Variants in KCND2 observed in about 807,000 individuals in gnomAD.
KCND2 encodes potassium voltage-gated channel subfamily D member 2, also known as A-type voltage-gated potassium channel KCND2.
A neutral mutation model predicts 54.4 loss-of-function variants in KCND2; 16 were observed. That is an observed-to-expected ratio of 0.29 (90% CI 0.20 to 0.45). The LOEUF is 0.45. Ranked by LOEUF, KCND2 falls within the 20% of genes least tolerant of loss-of-function variation. KCND2 has a pLI of 1.00. For missense variants in KCND2, 486 were observed against 824.2 expected (o/e 0.59, Z 5.02); for synonymous variants, 317 against 310.7 (o/e 1.02, Z -0.21).
chr7:120,590,595 G>T (rs1008453960), intron 1 of KCND2, among the ~76,000 whole-genome samples: 1 of 152,082 alleles, frequency 6.6e-6, no homozygotes, highest in African/African-American at 2.4e-5. Flanking sequence ...ATGTAATTTT[G>T]TGTCTGTATT....
intron 1 of KCND2, among the ~76,000 whole-genome samples, chr7:120,649,669 T>A (rs1791701111): frequency 6.6e-6 from 1 of 152,126 alleles, no homozygotes; most frequent in East Asian, 1.9e-4. Flanking sequence ...ATTAGCCCTT[T>A]GTCAAATGAG....
At chr7:120,349,777 T>G (rs899063992) in intron 1 of KCND2, among the ~76,000 whole-genome samples, 5 of 152,170 alleles carry the variant, frequency 3.3e-5, no homozygotes, top group Admixed American at 6.6e-5. Flanking sequence ...GGATCTTTAA[T>G]TTTGTTAATT....
At chr7:120,310,461 C>G (rs1353916850) in intron 1 of KCND2, among the ~76,000 whole-genome samples, 4 of 152,024 alleles carry the variant, frequency 2.6e-5, no homozygotes, top group African/African-American at 9.7e-5. Context: ...CATCTGTCAA[C>G]TATAATTTGC....
At chr7:120,560,908 A>G (rs540534579) in intron 1 of KCND2, among the ~76,000 whole-genome samples, 9 of 152,334 alleles carry the variant, frequency 5.9e-5, no homozygotes, top group Non-Finnish European at 1.3e-4. Context: ...GACTAGCTCA[A>G]TGCTACAAAA....
chr7:120,437,627 T>C (rs1335861218), intron 1 of KCND2, among the ~76,000 whole-genome samples: 1 of 152,196 alleles, frequency 6.6e-6, no homozygotes, highest in Non-Finnish European at 1.5e-5. Flanking sequence ...GATAAATGTT[T>C]AGGTAGTCAG....
At chr7:120,566,546 A>C (rs898988090) in intron 1 of KCND2, among the ~76,000 whole-genome samples, 1 of 151,992 alleles carries the variant, frequency 6.6e-6, no homozygotes, top group Admixed American at 6.6e-5. Flanking sequence ...GGGTCTTGCT[A>C]TATTGCCCAG....
intron 1 of KCND2, among the ~76,000 whole-genome samples, chr7:120,513,760 A>G (rs1803155981): frequency 1.3e-5 from 2 of 152,076 alleles, no homozygotes; most frequent in African/African-American, 4.8e-5. Flanking sequence ...AGTATAACAG[A>G]ATGTGTCATT....
chr7:120,531,888 C>T (rs921365793), intron 1 of KCND2, among the ~76,000 whole-genome samples: 25 of 151,992 alleles, frequency 1.6e-4, no homozygotes, highest in Admixed American at 3.9e-4. Flanking sequence ...GTTCTACTTA[C>T]CTCTTCTCTC....
intron 1 of KCND2, among the ~76,000 whole-genome samples, chr7:120,671,979 T>A (rs1791998666): frequency 6.6e-6 from 1 of 152,094 alleles, no homozygotes; most frequent in South Asian, 2.1e-4. Flanking sequence ...TAAATTTATC[T>A]GCATCTAAGC....
chr7:120,567,782 G>C (rs1457186083), intron 1 of KCND2, among the ~76,000 whole-genome samples: 6 of 151,830 alleles, frequency 4.0e-5, no homozygotes, highest in African/African-American at 1.5e-4. Flanking sequence ...TTTAAATTTT[G>C]CACACCAACA....
At chr7:120,716,860 G>A (rs964342145) in intron 1 of KCND2, among the ~76,000 whole-genome samples, 2 of 152,060 alleles carry the variant, frequency 1.3e-5, no homozygotes, top group Non-Finnish European at 2.9e-5. Context: ...CCCATTATCT[G>A]AGGGAGATAT....
chr7:120,459,717 G>A (rs934561062), intron 1 of KCND2, among the ~76,000 whole-genome samples: 4 of 152,064 alleles, frequency 2.6e-5, no homozygotes, highest in Non-Finnish European at 4.4e-5. Context: ...CCCAAATGAA[G>A]GATAAAAACA....
intron 1 of KCND2, among the ~76,000 whole-genome samples, chr7:120,558,992 A>AAT (rs200969540): frequency 1.6e-3 from 131 of 81,922 alleles, no homozygotes; most frequent in African/African-American, 4.0e-3. Context: ...TTCACAAAGT[A>AAT]CTGTGTGTGT....
intron 1 of KCND2, among the ~76,000 whole-genome samples, chr7:120,576,874 C>A (rs542876735): frequency 6.6e-6 from 1 of 152,114 alleles, no homozygotes; most frequent in Non-Finnish European, 1.5e-5. Context: ...AGGCTGGGCG[C>A]GGTGGCTCAC....
rs1257433422 is a variant in KCND2, at chr7:120,599,598, A to AT, written c.1116-133299dup. ...TTTGTAATTTTGGTGCTGTTTGAAT[A>AT]TTTTTTAAAAGAAATTCCAAGTGTT... On this transcript the variant is annotated intron_variant, in intron 1 of 5. Transcript: ENST00000331113. Among the ~76,000 whole-genome samples the AT allele has an allele frequency of 2.0e-5, 3 of 151,990 alleles. No homozygotes were observed. In the South Asian group the frequency reaches 6.2e-4, roughly 31 times the overall value.
intron 1 of KCND2, among the ~76,000 whole-genome samples, chr7:120,620,224 G>C (rs144571457): frequency 3.4e-4 from 51 of 151,080 alleles, no homozygotes; most frequent in African/African-American, 1.2e-3. Context: ...ATGAAAAATT[G>C]ACAGAATTCC....
intron 1 of KCND2, among the ~76,000 whole-genome samples, chr7:120,633,083 G>T (rs781360409): frequency 1.3e-5 from 2 of 152,128 alleles, no homozygotes; most frequent in African/African-American, 4.8e-5. Context: ...CTGAATTATC[G>T]CCATTTCAAA....
chr7:120,575,935 C>T (rs1269170870), intron 1 of KCND2, among the ~76,000 whole-genome samples: 1 of 4,592 alleles, frequency 2.2e-4, no homozygotes, highest in Non-Finnish European at 2.0e-3. Context: ...TCAGGATGTA[C>T]ACTTTATTTT....
At chr7:120,524,914 G>T (rs1292130440) in intron 1 of KCND2, among the ~76,000 whole-genome samples, 1 of 152,048 alleles carries the variant, frequency 6.6e-6, no homozygotes, top group Admixed American at 6.6e-5. Context: ...ACCACGTCTG[G>T]CTCTGAGGAC....
Sources: allele counts gnomAD v4.1 joint callset (sites outside exome capture counted in the v4.1 genomes callset), GRCh38; gene constraint gnomAD v4.1.1; transcripts MANE v1.5; gene names NCBI Gene and HGNC (gene_info 2026-07-23, HGNC 2026-07-21).